The following ACTN1 variants were observed in gnomAD, a reference collection of about 807,000 sequenced individuals.
ACTN1 encodes actinin alpha 1, also known as alpha-actinin-1.
In ACTN1, 30 loss-of-function variants were observed where a neutral mutation model predicts 119.6. That is an observed-to-expected ratio of 0.25 (90% CI 0.19 to 0.34). ACTN1 has a LOEUF of 0.34. Among genes scored for constraint, ACTN1 ranks in the 10% least tolerant of loss-of-function variants. The pLI is 1.00. For missense variants in ACTN1, 764 were observed against 1,223.4 expected (o/e 0.62, Z 5.60); for synonymous variants, 429 against 472.6 (o/e 0.91, Z 1.20).
chr14:68,874,979 T>A lies in ACTN1; in HGVS notation c.2625A>T (p.Pro875=), dbSNP rs1267172092. The A allele has an allele frequency of 2.5e-6, 4 of 1,613,734 alleles. No individual in the cohort carries two copies. The highest frequency in any genetic ancestry group is 3.4e-6 in the Non-Finnish European group (4 of 1,180,002). The change falls in exon 22 of 22, where the codon CCA becomes CCT. Residue 875 remains proline (P), a synonymous_variant. Transcript: ENST00000394419. ...ITMDELRREL[P]PDQAEYCIAR... is the part of the protein sequence containing the mutation. ...CGATGCAGTACTCAGCCTGGTCGGG[T>A]GGCAGCTCGCGGCGCAGCTCGTCCA...
At chr14:68,884,699 AAG>A in intron 13 of ACTN1, 74 bp downstream of exon 13, 2 of 1,276,610 alleles carry the variant, frequency 1.6e-6, no homozygotes, top group African/African-American at 1.5e-5. Flanking sequence ...GCCCAAAGCA[AAG>A]AGAGTCAAGA....
Position 68,878,849 on chromosome 14 carries a change from G to T in ACTN1, c.2361+140C>A. ...GGGTGGACCAGTGATGGGGCAGACA[G>T]AGACAGCAGGAGAGGACGAGCCCCA... is the stretch of plus-strand genomic sequence containing the variant. On this transcript the variant is annotated intron_variant, in intron 19 of 21. Transcript: ENST00000394419. This position sits in a 1 kb window ranked among gnomAD's most constrained non-coding sequence, Gnocchi z 4.4. 1 of 1,595,978 alleles carries T rather than the reference G, an allele frequency of 6.3e-7. No individual in the cohort carries two copies.
At position 68,875,644 on chromosome 14, in the gene ACTN1, G is replaced by T. The variant is rs146088259; in HGVS notation, c.2587-627C>A. Among the ~76,000 whole-genome samples, 3 of 152,346 alleles carry T rather than the reference G, an allele frequency of 2.0e-5. No homozygotes were observed. The East Asian group carries it at 5.8e-4, about 29-fold the overall frequency. ...CTTTTAGGAGCTTCAAGATCCAGGA[G>T]AGCTCATTTGGGGGCTCTGACCCAC... On this transcript the variant is annotated intron_variant, in intron 21 of 21. Transcript: ENST00000394419.
intron 1 of ACTN1, among the ~76,000 whole-genome samples, chr14:68,970,851 C>A (rs2036861153): frequency 1.3e-5 from 2 of 152,222 alleles, no homozygotes. Flanking sequence ...CGTCAAAGAC[C>A]TGGATTGAAA....
At chr14:68,968,616 C>T (rs17106670) in intron 1 of ACTN1, among the ~76,000 whole-genome samples, 40,274 of 152,156 alleles carry the variant, frequency 0.26, 5,698 homozygotes, top group African/African-American at 0.33. Context: ...ACACTGCGGT[C>T]GCAACTCTAC....
At chr14:68,898,433 G>T (rs2033031097) in intron 8 of ACTN1, among the ~76,000 whole-genome samples, 1 of 152,188 alleles carries the variant, frequency 6.6e-6, no homozygotes, top group African/African-American at 2.4e-5. Flanking sequence ...CACCACACGT[G>T]CACACACACA....
chr14:68,888,097 G>C (rs1389785536), intron 11 of ACTN1: 6 of 664,124 alleles, frequency 9.0e-6, no homozygotes, highest in Non-Finnish European at 1.7e-5. Context: ...TGGCGGCAGG[G>C]AGGGCGCGTG....
intron 1 of ACTN1, among the ~76,000 whole-genome samples, chr14:68,969,686 G>A (rs569739116): frequency 1.3e-5 from 2 of 152,328 alleles, no homozygotes; most frequent in East Asian, 3.9e-4. Flanking sequence ...GGTGGAGGCT[G>A]CCCTCTTTTT....
At position 68,885,614 on chromosome 14, in the gene ACTN1, G is replaced by A. The variant is rs2031934919; in HGVS notation, c.1235-39C>T. ...GGGCCACATGGCTGAGCTGGAGTGA[G>A]AAGCATCTCCTTGGTCCCAACCGCC... is the stretch of plus-strand genomic sequence containing the variant. On this transcript the variant is annotated intron_variant, in intron 11 of 21. Transcript: ENST00000394419. The surrounding 1 kb of genome is among the most constrained non-coding windows in gnomAD (Gnocchi z 5.6). 1.9e-6 allele frequency: 3 copies of A among 1,602,730 alleles called. No individual in the cohort carries two copies. The highest frequency in any genetic ancestry group is 2.5e-6 in the Non-Finnish European group (3 of 1,177,244).
chr14:68,935,819 C>T (rs541736331), intron 1 of ACTN1, among the ~76,000 whole-genome samples: 1 of 152,310 alleles, frequency 6.6e-6, no homozygotes, highest in East Asian at 1.9e-4. Context: ...CAAGATAACC[C>T]ACCTGCAGCC....
At chr14:68,923,538 G>A (rs1594820659) in intron 2 of ACTN1, among the ~76,000 whole-genome samples, 1 of 152,128 alleles carries the variant, frequency 6.6e-6, no homozygotes, top group Admixed American at 6.5e-5. Flanking sequence ...GGCAAGGCAC[G>A]GTGGCTCACA....
intron 1 of ACTN1, among the ~76,000 whole-genome samples, chr14:68,946,085 G>A (rs2035934952): frequency 6.6e-6 from 1 of 152,118 alleles, no homozygotes; most frequent in South Asian, 2.1e-4. Flanking sequence ...GGCTCAGTCA[G>A]CGTGACTCTC....
chr14:68,897,797 G>A (rs775823888), intron 8 of ACTN1, among the ~76,000 whole-genome samples: 1 of 152,244 alleles, frequency 6.6e-6, no homozygotes, highest in Non-Finnish European at 1.5e-5. Context: ...AGGCATCCGA[G>A]CTTCCTCACG....
chr14:68,979,002 A>G lies in ACTN1; in HGVS notation c.55T>C (p.Trp19Arg). 1.2e-6 allele frequency: 2 copies of G among 1,604,060 alleles called. No individual in the cohort carries two copies. Among genetic ancestry groups the G allele is most frequent in the Non-Finnish European group, 1.7e-6 (2 of 1,175,064 alleles). The change falls in exon 1 of 22, where the codon TGG becomes CGG. Residue 19 changes from tryptophan to arginine, a missense_variant. Trp to Arg is a moderately radical substitution (Grantham distance 101). Transcript: ENST00000394419. ...TNDYMQPEED[W>R]DRDLLLDPAW... ...GGGTCCAGGAGCAGGTCCCGGTCCC[A>G]GTCCTCTTCTGGCTGCATGTAATCG...
intron 9 of ACTN1, among the ~76,000 whole-genome samples, chr14:68,893,046 C>A (rs549371924): frequency 9.1e-4 from 138 of 152,248 alleles, no homozygotes; most frequent in African/African-American, 3.2e-3. Flanking sequence ...TAAACCCAGG[C>A]ACTTGGGCTC....
intron 1 of ACTN1, among the ~76,000 whole-genome samples, chr14:68,950,565 C>CTT (rs558318048): frequency 5.6e-5 from 8 of 141,876 alleles, no homozygotes; most frequent in African/African-American, 1.1e-4. Flanking sequence ...GCATGTCAAA[C>CTT]TTTTTTTTTT....
Position 68,878,476 on chromosome 14 carries a change from G to A in ACTN1, c.2409C>T (p.Ile803=), listed in dbSNP as rs1392685369. 4 of 1,571,150 alleles carry A rather than the reference G, an allele frequency of 2.5e-6. No homozygotes were observed. Among genetic ancestry groups the A allele is most frequent in the Non-Finnish European group, 3.5e-6 (4 of 1,156,714 alleles). The change falls in exon 20 of 22, where the codon ATC becomes ATT. Residue 803 remains isoleucine, a synonymous_variant. Transcript: ENST00000394419. The surrounding 1 kb of genome is among the most constrained non-coding windows in gnomAD (Gnocchi z 4.4). ...MDTDDFRACL[I]SMGYNMGEAE... The stretch of plus-strand genomic sequence containing the variant: ...ACGTTACCATGTTGTAACCCATGGA[G>A]ATCAGGCAGGCGCGGAAATCATCCG...
chr14:68,892,353 TTTCCTCCCAACA>T, intron 9 of ACTN1, 70 bp from the exon 10 acceptor site: 1 of 1,505,236 alleles, frequency 6.6e-7, no homozygotes. Context: ...CCAGCCTCCC[TTTCCTCCCAACA>T]GCCCTCCCAC....
In ACTN1 at chr14:68,962,192, G is replaced by A. The variant is rs909365270; in HGVS notation, c.105+16760C>T. On this transcript the variant is annotated intron_variant, in intron 1 of 21. Transcript: ENST00000394419. The stretch of plus-strand genomic sequence containing the variant: ...TATTGCCCTGCATCTTTTACGACAA[G>A]AGCCCACATCCAGGGCACGGGCGCC... Among the ~76,000 whole-genome samples the A allele has an allele frequency of 2.6e-5, 4 of 152,322 alleles. 1 individual carries two copies. Among genetic ancestry groups the A allele is most frequent in the South Asian group, 4.1e-4 (2 of 4,830 alleles).
Sources: allele counts gnomAD v4.1 joint callset (sites outside exome capture counted in the v4.1 genomes callset), GRCh38; gene constraint gnomAD v4.1.1; non-coding constraint Gnocchi (gnomAD v3.1); transcripts MANE v1.5; gene names NCBI Gene and HGNC (gene_info 2026-07-23, HGNC 2026-07-21).